Variants in SLF1 observed in about 807,000 individuals in gnomAD.
SLF1 encodes SMC5/6 complex localization factor 1, also known as SMC5-SMC6 complex localization factor protein 1.
SLF1 carries 105 observed loss-of-function variants against 123.0 expected under a neutral mutation model. The ratio of observed to expected loss-of-function variants is 0.85; its 90% CI spans 0.73 to 1.00. The LOEUF (loss-of-function observed/expected upper bound fraction) is 1.00. SLF1 is among the 50% of genes least tolerant of loss of function. The pLI is 0.00. For synonymous variants in SLF1, 434 were observed against 406.6 expected (o/e 1.07, Z -0.81); for missense variants, 1,239 against 1,223.0 (o/e 1.01, Z -0.20).
In SLF1 at chr5:94,626,381, A is replaced by G. The variant is rs1461340286; in HGVS notation, c.1-2430A>G. Among the ~76,000 whole-genome samples, 3 of 152,088 alleles carry G rather than the reference A, an allele frequency of 2.0e-5. No homozygotes were observed. In the East Asian group the frequency reaches 5.8e-4, roughly 29 times the overall value. On this transcript the variant is annotated intron_variant, in intron 1 of 20. Coordinates refer to ENST00000265140, the MANE Select transcript of SLF1 (RefSeq NM_032290.4). ...AATTTTTCATAAGAGACCAATCCCT[A>G]TTATGTGCACTTAAAAATTTTATAC...
chr5:94,694,784 A>G (rs756030034), intron 20 of SLF1, 47 bp from the exon 21 acceptor site: 9 of 1,513,728 alleles, frequency 5.9e-6, no homozygotes, highest in Non-Finnish European at 7.0e-6. Context: ...TTAAGCTGCC[A>G]AAATAGAAAT....
At chr5:94,655,851 G>C (rs1457041220) in intron 9 of SLF1, among the ~76,000 whole-genome samples, 1 of 147,844 alleles carries the variant, frequency 6.8e-6, no homozygotes, top group Non-Finnish European at 1.5e-5. Context: ...TTTTTTTTTT[G>C]TCAAGTCTTC....
intron 4 of SLF1, among the ~76,000 whole-genome samples, chr5:94,632,418 G>T (rs1190771953): frequency 6.6e-6 from 1 of 152,130 alleles, no homozygotes; most frequent in Non-Finnish European, 1.5e-5. Flanking sequence ...GTCAATTTCT[G>T]TGAAAATGCA....
chr5:94,672,406 AT>A (rs1429156356), intron 14 of SLF1, among the ~76,000 whole-genome samples: 1 of 151,480 alleles, frequency 6.6e-6, no homozygotes, highest in Non-Finnish European at 1.5e-5. Context: ...TTTTCTTCAT[AT>A]TCTTTGTGTT....
At chr5:94,693,004 T>A (rs900556326) in intron 20 of SLF1, among the ~76,000 whole-genome samples, 4 of 152,196 alleles carry the variant, frequency 2.6e-5, no homozygotes, top group Admixed American at 6.6e-5. Context: ...ATGACCAGCT[T>A]AGAATATGGA....
chr5:94,683,104 T>C (rs1371371536), intron 15 of SLF1, among the ~76,000 whole-genome samples: 1 of 152,228 alleles, frequency 6.6e-6, no homozygotes, highest in Non-Finnish European at 1.5e-5. Flanking sequence ...TATAGGTTTT[T>C]TTTTCATATC....
intron 4 of SLF1, among the ~76,000 whole-genome samples, chr5:94,638,596 T>A (rs1482477390): frequency 6.6e-6 from 1 of 152,184 alleles, no homozygotes; most frequent in Non-Finnish European, 1.5e-5. Context: ...CTATAAAAGC[T>A]CAATGCCTGC....
intron 4 of SLF1, among the ~76,000 whole-genome samples, chr5:94,637,826 C>T (rs943457902): frequency 5.3e-5 from 8 of 152,022 alleles, no homozygotes; most frequent in Non-Finnish European, 8.8e-5. Flanking sequence ...TGCAGTGTGG[C>T]GGTCCTTTCC....
At chr5:94,662,467 T>A in intron 10 of SLF1, 116 bp downstream of exon 10, 1 of 743,426 alleles carries the variant, frequency 1.3e-6, no homozygotes, top group Non-Finnish European at 1.9e-6. Flanking sequence ...TAACGTATTA[T>A]ATGCACAAAT....
intron 1 of SLF1, among the ~76,000 whole-genome samples, chr5:94,622,273 T>C (rs1791868662): frequency 6.6e-6 from 1 of 152,232 alleles, no homozygotes; most frequent in African/African-American, 2.4e-5. Flanking sequence ...AAATCTTGAC[T>C]GCATTCAGTG....
At chr5:94,637,142 C>G (rs1472886693) in intron 4 of SLF1, among the ~76,000 whole-genome samples, 1 of 152,106 alleles carries the variant, frequency 6.6e-6, no homozygotes, top group Non-Finnish European at 1.5e-5. Context: ...TCTTTGTAAT[C>G]TTTGAGTTTT....
intron 5 of SLF1, among the ~76,000 whole-genome samples, chr5:94,648,856 C>T (rs544603905): frequency 1.3e-5 from 2 of 152,104 alleles, no homozygotes; most frequent in Non-Finnish European, 2.9e-5. Context: ...ACTAAACTTA[C>T]AGAATTATAT....
Position 94,653,152 on chromosome 5 carries a change from C to T in SLF1, c.883-120C>T, listed in dbSNP as rs1009354270. ...GATTACAGGCATGAGCCACCGCGCC[C>T]GGCCGTACTTCTTTATTTTTTAATG... On this transcript the variant is annotated intron_variant, in intron 7 of 20. Transcript: ENST00000265140. 43 of 1,020,094 alleles carry T rather than the reference C, an allele frequency of 4.2e-5. 1 individual carries two copies. The highest frequency in any genetic ancestry group is 3.3e-4 in the Admixed American group (9 of 27,266). The allele number at this position is 1,020,094 out of a possible 1,614,324, so 63.2% of individuals were successfully genotyped here. A position where few individuals can be genotyped will look rare whatever the true frequency, so the allele number is the denominator to read the frequency against.
At chr5:94,644,424 A>G (rs1746781824) in intron 5 of SLF1, among the ~76,000 whole-genome samples, 1 of 152,198 alleles carries the variant, frequency 6.6e-6, no homozygotes, top group Admixed American at 6.5e-5. Flanking sequence ...ACAAAGTCCT[A>G]AATCTCTAAT....
chr5:94,697,007 ACAT>A lies in SLF1; in HGVS notation c.*1699_*1701del, dbSNP rs1239872898. The A allele has an allele frequency of 6.6e-6, 1 of 151,924 alleles. No homozygotes were observed. The highest frequency in any genetic ancestry group is 1.5e-5 in the Non-Finnish European group (1 of 67,910). The allele number at this position is 151,924 out of a possible 1,614,324, so 9.4% of individuals were successfully genotyped here. A position where few individuals can be genotyped will look rare whatever the true frequency, so the allele number is the denominator to read the frequency against. On this transcript the variant is annotated 3_prime_UTR_variant, in exon 21 of 21. Transcript: ENST00000265140. ...TAATTCTAAGGTAATTAAGGAATCAACATCATGAGTTAGGGTTTTATACTGTTA... is the reference window on the plus strand; with the variant it reads ...TAATTCTAAGGTAATTAAGGAATCAACATGAGTTAGGGTTTTATACTGTTA...
intron 15 of SLF1, among the ~76,000 whole-genome samples, chr5:94,681,140 T>G (rs573996175): frequency 2.0e-5 from 3 of 152,134 alleles, no homozygotes; most frequent in South Asian, 2.1e-4. Context: ...TCTTTTGTCT[T>G]TTTTTTTGAG....
At chr5:94,687,379 AG>A (rs1373756078) in intron 16 of SLF1, among the ~76,000 whole-genome samples, 11 of 152,156 alleles carry the variant, frequency 7.2e-5, no homozygotes, top group Admixed American at 7.2e-4. Flanking sequence ...CTCCAGGGGC[AG>A]TGGGGGGAAG....
At chr5:94,670,326 T>C in intron 13 of SLF1, 47 bp downstream of exon 13, 1 of 1,340,622 alleles carries the variant, frequency 7.5e-7, no homozygotes, top group Non-Finnish European at 9.8e-7. Context: ...TTTGGTTGTT[T>C]TTATGCACCA....
At chr5:94,671,535 C>T (rs1750450901) in intron 14 of SLF1, among the ~76,000 whole-genome samples, 2 of 151,672 alleles carry the variant, frequency 1.3e-5, no homozygotes, top group Admixed American at 1.3e-4. Flanking sequence ...AACTTTGGCA[C>T]ATTTTGGTTG....
Sources: allele counts gnomAD v4.1 joint callset (sites outside exome capture counted in the v4.1 genomes callset), GRCh38; gene constraint gnomAD v4.1.1; transcripts MANE v1.5; gene names NCBI Gene and HGNC (gene_info 2026-07-23, HGNC 2026-07-21).